KLC2: variants seen among roughly 807,000 people sequenced by gnomAD.
KLC2 encodes kinesin light chain 2, also known as KLC 2.
In KLC2, 35 loss-of-function variants were observed where a neutral mutation model predicts 75.1. The observed-to-expected ratio is 0.47, with a 90% CI of 0.36 to 0.62. The LOEUF is 0.62. Ranked by LOEUF, KLC2 falls within the 20% of genes least tolerant of loss-of-function variation. The pLI is 0.00. For missense variants in KLC2, 611 were observed against 833.2 expected, an observed-to-expected ratio of 0.73 and a Z score of 3.28; for synonymous variants, 314 against 336.7, an observed-to-expected ratio of 0.93 and a Z score of 0.74.
At chr11:66,252,868 C>G (rs1376905154), upstream of KLC2, among the ~76,000 whole-genome samples, 3 of 152,074 alleles carry the variant, frequency 2.0e-5, no homozygotes, top group Admixed American at 2.0e-4. Context: ...TAGACTGATT[C>G]TTGGCTCAGT....
At chr11:66,252,236 G>T in the KLC2 span, among the ~76,000 whole-genome samples, 3 of 152,244 alleles carry the variant, frequency 2.0e-5, no homozygotes, top group Admixed American at 1.3e-4. Context: ...ACTAGGAATA[G>T]TGTCTGTTAT....
the KLC2 span, among the ~76,000 whole-genome samples, chr11:66,250,375 G>A: frequency 7.9e-5 from 12 of 152,164 alleles, no homozygotes; most frequent in African/African-American, 1.7e-4. Flanking sequence ...TAAGTCACTC[G>A]TCCAATGCAC....
At position 66,266,536 on chromosome 11, in the gene KLC2, C is replaced by T. The variant is rs145982276; in HGVS notation, c.1785+46C>T. On this transcript the variant is annotated intron_variant, in intron 15 of 15. Coordinates refer to ENST00000394067, the MANE Select transcript of KLC2 (RefSeq NM_001318734.2). ...GGGCACTGGGCAGCTGCGGCCGGGG[C>T]TGCATGCGTGCTGCCAAGCTTCCCT... 33 of 1,559,748 alleles carry T rather than the reference C, an allele frequency of 2.1e-5. No individual in the cohort carries two copies. In the East Asian group the frequency reaches 7.2e-4, roughly 34 times the overall value.
chr11:66,267,318 C>A lies in KLC2; in HGVS notation c.*362C>A, dbSNP rs1856903203. 1 of 835,776 alleles carries A rather than the reference C, an allele frequency of 1.2e-6. No homozygotes were observed. The highest frequency in any genetic ancestry group is 1.7e-5 in the African/African-American group (1 of 59,380). 51.8% of individuals were successfully genotyped at this position (835,776 alleles called of 1,614,324 possible). ...GGCACCCTCGCCCTCCCTCCCGACT[C>A]AACCCGGCCGTTGCTTCTGTATATA... On this transcript the variant is annotated 3_prime_UTR_variant, in exon 16 of 16. Coordinates refer to ENST00000394067, the MANE Select transcript of KLC2 (RefSeq NM_001318734.2).
intron 5 of KLC2, 31 bp downstream of exon 5, chr11:66,263,067 T>A: frequency 6.5e-7 from 1 of 1,530,950 alleles, no homozygotes; most frequent in Non-Finnish European, 9.0e-7. Context: ...CCCAAATTCT[T>A]CTGGAAGGCT....
At chr11:66,256,463 G>A (rs1856042026), upstream of KLC2, among the ~76,000 whole-genome samples, 1 of 152,150 alleles carries the variant, frequency 6.6e-6, no homozygotes, top group African/African-American at 2.4e-5. Context: ...GGTGGTGGGT[G>A]CTATAATCTC....
chr11:66,267,473 T>C lies in KLC2; in HGVS notation c.*517T>C, dbSNP rs949332968. Reference sequence around the variant, plus strand: ...TTCCGTGCGGTGGTATCTCCCAGGCTCTACATTCTCGGGAGCGGCGCCTCC... The same window carrying C: ...TTCCGTGCGGTGGTATCTCCCAGGCCCTACATTCTCGGGAGCGGCGCCTCC... On this transcript the variant is annotated 3_prime_UTR_variant, in exon 16 of 16. Transcript: ENST00000394067. The C allele has an allele frequency of 1.4e-6, 1 of 706,974 alleles. No homozygotes were observed. The highest frequency in any genetic ancestry group is 2.6e-6 in the Non-Finnish European group (1 of 377,752). The allele number at this position is 706,974 out of a possible 1,614,324, so 43.8% of individuals were successfully genotyped here. A position where few individuals can be genotyped will look rare whatever the true frequency, so the allele number is the denominator to read the frequency against.
rs137992150 is a variant in KLC2 at position 66,262,881 on chromosome 11, C to T, written c.597C>T (p.Arg199=). 1.7e-5 allele frequency: 28 copies of T among 1,613,898 alleles called. No homozygotes were observed. In the African/African-American group the frequency reaches 2.8e-4, roughly 16 times the overall value. ...GCTACGAGATCCCGGCCCGGCTCCG[C>T]ACCCTGCACAACCTGGTGATCCAAT... ...HGGYEIPARL[R]TLHNLVIQYA... is the part of the protein sequence containing the mutation. The change falls in exon 5 of 16, where the codon CGC becomes CGT. Residue 199 remains arginine, a synonymous_variant. Transcript: ENST00000394067.
intron 4 of KLC2, 95 bp from the exon 5 acceptor site, chr11:66,262,719 G>A (rs1183870017): frequency 7.1e-6 from 6 of 847,826 alleles, no homozygotes; most frequent in Non-Finnish European, 7.7e-6. Flanking sequence ...CTTGCCCAGG[G>A]CCATGTGTCA....
chr11:66,252,419 A>G (rs896236595), upstream of KLC2, among the ~76,000 whole-genome samples: 8 of 137,528 alleles, frequency 5.8e-5, no homozygotes, highest in South Asian at 2.3e-4. Flanking sequence ...CCGAGCCACC[A>G]TGCCCGGCTA....
chr11:66,258,423 C>T (rs1029725914), intron 1 of KLC2, 161 bp from the exon 2 acceptor site: 4 of 598,608 alleles, frequency 6.7e-6, no homozygotes, highest in African/African-American at 1.9e-5. Flanking sequence ...CTAGGCGCGC[C>T]CTCTGTAGGC....
chr11:66,248,055 C>CCG, the KLC2 span, among the ~76,000 whole-genome samples: 27 of 152,260 alleles, frequency 1.8e-4, no homozygotes, highest in East Asian at 5.0e-3. Flanking sequence ...AAGGCTGGAC[C>CCG]AGAGCAGAGC....
chr11:66,245,738 C>T, the KLC2 span, among the ~76,000 whole-genome samples: 9 of 151,540 alleles, frequency 5.9e-5, no homozygotes, highest in Non-Finnish European at 1.0e-4. Flanking sequence ...AAATTTTTGC[C>T]GGGCGTGGTG....
At chr11:66,255,996 CCT>C (rs1856020070), upstream of KLC2, among the ~76,000 whole-genome samples, 1 of 151,798 alleles carries the variant, frequency 6.6e-6, no homozygotes, top group Non-Finnish European at 1.5e-5. Flanking sequence ...AAACTCCTGA[CCT>C]CAGATGATCC....
In KLC2 at chr11:66,267,251, C is replaced by T; in HGVS notation, c.*295C>T. Reference sequence around the variant, plus strand: ...CATAGACTCAGTGGCCTGGCCTCCCCAGACCCCAGAGCCAAGAACACTAAG... The same window carrying T: ...CATAGACTCAGTGGCCTGGCCTCCCTAGACCCCAGAGCCAAGAACACTAAG... On this transcript the variant is annotated 3_prime_UTR_variant, in exon 16 of 16. Transcript: ENST00000394067. 1.4e-6 allele frequency: 2 copies of T among 1,415,980 alleles called. No homozygotes were observed. Among genetic ancestry groups the T allele is most frequent in the African/African-American group, 1.4e-5 (1 of 70,414 alleles). The allele number at this position is 1,415,980 out of a possible 1,614,324, so 87.7% of individuals were successfully genotyped here. A position where few individuals can be genotyped will look rare whatever the true frequency, so the allele number is the denominator to read the frequency against.
the KLC2 span, chr11:66,244,617 TCCAGCCCTTCCCAGGGC>T: frequency 6.6e-6 from 1 of 152,306 alleles, no homozygotes; most frequent in Non-Finnish European, 1.5e-5. Context: ...CAAGCTCTCC[TCCAGCCCTTCCCAGGGC>T]TCAGCCCTGC....
In KLC2 at chr11:66,267,733, G is replaced by A. The variant is rs1288859289; in HGVS notation, c.*777G>A. On this transcript the variant is annotated 3_prime_UTR_variant, in exon 16 of 16. Coordinates refer to ENST00000394067, the MANE Select transcript of KLC2 (RefSeq NM_001318734.2). ...GCCATCCTGCCTCGCCTCCCCCCAC[G>A]CCTGCAGCTTCTCGCGAGGGGCGGC... is the stretch of plus-strand genomic sequence containing the variant. The A allele has an allele frequency of 2.1e-5, 8 of 374,128 alleles. No homozygotes were observed. Among genetic ancestry groups the A allele is most frequent in the Admixed American group, 4.7e-5 (1 of 21,488 alleles). The allele number at this position is 374,128 out of a possible 1,614,324, so 23.2% of individuals were successfully genotyped here. A position where few individuals can be genotyped will look rare whatever the true frequency, so the allele number is the denominator to read the frequency against.
chr11:66,248,037 C>G, the KLC2 span, among the ~76,000 whole-genome samples: 3 of 152,144 alleles, frequency 2.0e-5, no homozygotes, highest in Non-Finnish European at 2.9e-5. Flanking sequence ...GCCCAGTCAC[C>G]AGGAGTTAAG....
chr11:66,262,294 C>T (rs1856493654), intron 4 of KLC2, 102 bp downstream of exon 4: 4 of 876,696 alleles, frequency 4.6e-6, no homozygotes, highest in South Asian at 1.5e-5. Flanking sequence ...CACTTCTGAT[C>T]ATGACATCCT....
Sources: gnomAD v4.1 joint callset for allele counts (sites outside exome capture counted in the v4.1 genomes callset) on GRCh38, gnomAD v4.1.1 for gene constraint, MANE v1.5 for transcripts, NCBI Gene and HGNC (gene_info 2026-07-23, HGNC 2026-07-21) for gene names.